Variants in APC observed in about 807,000 individuals in gnomAD.
APC encodes the protein adenomatous polyposis coli protein.
In APC, 72 loss-of-function variants were observed where a neutral mutation model predicts 247.0. The observed-to-expected ratio is 0.29, with a 90% CI of 0.24 to 0.35. The LOEUF is 0.35. APC is among the 10% of genes least tolerant of loss of function. The probability of loss-of-function intolerance (pLI) is 1.00; values close to 1 mark genes in which losing one functional copy is unlikely to be tolerated. For synonymous variants in APC, 1,254 were observed against 1,162.5 expected, an observed-to-expected ratio of 1.08 and a Z score of -1.60; for missense variants, 3,400 against 3,360.7, an observed-to-expected ratio of 1.01 and a Z score of -0.29.
At chr5:112,736,359 G>A (rs574204060), upstream of APC, among the ~76,000 whole-genome samples, 52 of 152,064 alleles carry the variant, frequency 3.4e-4, no homozygotes, top group African/African-American at 1.3e-3. Context: ...AAATATTTGG[G>A]GTGTATTTGC....
chr5:112,842,969 T>C lies in APC; in HGVS notation c.7375T>C (p.Ser2459Pro), dbSNP rs1554088287. The stretch of plus-strand genomic sequence containing the variant: ...AACCTTAAGAAGAAAATTGGAGGAA[T>C]CTGCTTCATTTGAATCTCTTTCTCC... ...SPTLRRKLEESASFESLSPSS... is the reference protein window; with the variant it reads ...SPTLRRKLEEPASFESLSPSS... Residue 2459 changes from serine (S) to proline (P), a missense_variant, in exon 16 of 16, where the codon TCT becomes CCT. By Grantham distance (74) the Ser-to-Pro change is moderately conservative. Around this residue, in one of 9 missense-constraint regions of APC, gnomAD observed 1,788 missense variants for 1,649.5 expected, o/e 1.08. Transcript: ENST00000257430. 8.7e-6 allele frequency: 14 copies of C among 1,614,070 alleles called. No homozygotes were observed. Among genetic ancestry groups the C allele is most frequent in the Non-Finnish European group, 1.2e-5 (14 of 1,179,932 alleles).
chr5:112,803,368 C>G (rs1363065096), intron 8 of APC, among the ~76,000 whole-genome samples: 1 of 152,086 alleles, frequency 6.6e-6, no homozygotes, highest in Admixed American at 6.6e-5. Context: ...TAGAAATAAC[C>G]TAAATGGACA....
Position 112,815,487 on chromosome 5 carries a change from AT to A in APC, c.835-3del. 1 of 1,607,618 alleles carries A rather than the reference AT, an allele frequency of 6.2e-7. No homozygotes were observed. The highest frequency in any genetic ancestry group is 8.5e-7 in the Non-Finnish European group (1 of 1,175,278). On this transcript the variant is annotated splice_region_variant and splice_polypyrimidine_tract_variant and intron_variant, in intron 8 of 15. Transcript: ENST00000257430. ...AATTATACCATCTATAATGTGCTTA[AT>A]TTTTAGGGTTCAACTACACGAATGG...
At chr5:112,767,881 G>T (rs149860414) in intron 4 of APC, among the ~76,000 whole-genome samples, 1 of 151,924 alleles carries the variant, frequency 6.6e-6, no homozygotes, top group Non-Finnish European at 1.5e-5. Flanking sequence ...TCTGTACATT[G>T]AGTAATACAC....
Position 112,707,717 on chromosome 5 carries a change from T to G in APC, c.-1T>G, listed in dbSNP as rs1750600817. ...TGCCTTCTCGGGCCTCGGCGCCCCC[T>G]ATGTACGCCTCCCTGGGCTCGGGTC... On this transcript the variant is annotated 5_prime_UTR_variant, in exon 1 of 14. Transcript: ENST00000507379. The G allele has an allele frequency of 7.3e-7, 1 of 1,370,600 alleles. No individual in the cohort carries two copies. Among genetic ancestry groups the G allele is most frequent in the Non-Finnish European group, 9.6e-7 (1 of 1,038,778 alleles). 84.9% of individuals were successfully genotyped at this position (1,370,600 alleles called of 1,614,324 possible).
intron 1 of APC, among the ~76,000 whole-genome samples, chr5:112,745,578 T>TTA (rs1561430920): frequency 7.8e-6 from 1 of 128,530 alleles, no homozygotes; most frequent in Non-Finnish European, 1.8e-5. Context: ...TATTATTATT[T>TTA]TTTGAGACGG....
chr5:112,821,559 C>T (rs1763133658), intron 10 of APC, among the ~76,000 whole-genome samples: 1 of 151,668 alleles, frequency 6.6e-6, no homozygotes, highest in Non-Finnish European at 1.5e-5. Context: ...AAAATTAAAC[C>T]ATTTTATACC....
intron 1 of APC, among the ~76,000 whole-genome samples, chr5:112,716,358 A>G (rs1751168769): frequency 6.6e-6 from 1 of 152,088 alleles, no homozygotes; most frequent in Admixed American, 6.5e-5. Context: ...TGGAAGTATT[A>G]TATTTTTATT....
intron 1 of APC, among the ~76,000 whole-genome samples, chr5:112,717,659 T>A (rs1038533810): frequency 3.3e-5 from 5 of 152,182 alleles, no homozygotes; most frequent in Non-Finnish European, 7.4e-5. Flanking sequence ...GTGATTTTGT[T>A]TGGCTGCTTT....
intron 2 of APC, among the ~76,000 whole-genome samples, chr5:112,760,052 G>A (rs1257952352): frequency 6.6e-6 from 1 of 152,070 alleles, no homozygotes; most frequent in African/African-American, 2.4e-5. Context: ...TAATTCTTAG[G>A]AAGAAAGAAC....
chr5:112,715,317 ATAT>A (rs1283618182), intron 1 of APC, among the ~76,000 whole-genome samples: 1 of 152,224 alleles, frequency 6.6e-6, no homozygotes, highest in Non-Finnish European at 1.5e-5. Context: ...TAGTCAATAA[ATAT>A]TATATATGTA....
At position 112,827,909 on chromosome 5, in the gene APC, A is replaced by C. The variant is rs993325922; in HGVS notation, c.1549-20A>C. 1.2e-6 allele frequency: 2 copies of C among 1,602,750 alleles called. No individual in the cohort carries two copies. The highest frequency in any genetic ancestry group is 1.7e-5 in the Admixed American group (1 of 59,954). On this transcript the variant is annotated intron_variant, in intron 12 of 15. Transcript: ENST00000257430. ...CAAGTTGTCTTTTTAATGATCCTCTATTCTGTATTTAATTTACAGGCTACG... is the reference window on the plus strand; with the variant it reads ...CAAGTTGTCTTTTTAATGATCCTCTCTTCTGTATTTAATTTACAGGCTACG...
chr5:112,751,257 A>C (rs1015787979), intron 1 of APC, among the ~76,000 whole-genome samples: 1 of 152,082 alleles, frequency 6.6e-6, no homozygotes, highest in Non-Finnish European at 1.5e-5. Flanking sequence ...ATAGTTAACT[A>C]CATTTATATG....
chr5:112,721,752 A>G (rs982327802), intron 1 of APC, among the ~76,000 whole-genome samples: 3 of 152,038 alleles, frequency 2.0e-5, no homozygotes, highest in Admixed American at 2.0e-4. Flanking sequence ...TGCAAGGAGC[A>G]TATCTTTTGC....
Position 112,792,486 on chromosome 5 carries a change from T to C in APC, c.686T>C (p.Leu229Pro). 1 of 1,612,528 alleles carries C rather than the reference T, an allele frequency of 6.2e-7. No homozygotes were observed. The highest frequency in any genetic ancestry group is 8.5e-7 in the Non-Finnish European group (1 of 1,179,108). ...ATTCAGCAAATCGAAAAGGACATAC[T>C]TCGTATACGACAGCTTTTACAGTCC... ...ARIQQIEKDILRIRQLLQSQA... is the reference protein window; with the variant it reads ...ARIQQIEKDIPRIRQLLQSQA... The change falls in exon 7 of 16, where the codon CTT becomes CCT. Residue 229 changes from leucine to proline, a missense_variant. Physicochemically the swap from Leu to Pro is moderately conservative, Grantham distance 98. Around this residue, in one of 9 missense-constraint regions of APC, gnomAD observed 372 missense variants for 367.6 expected, o/e 1.01. Transcript: ENST00000257430.
At chr5:112,771,033 GTAAAT>G (rs1335367499) in intron 4 of APC, among the ~76,000 whole-genome samples, 4 of 151,810 alleles carry the variant, frequency 2.6e-5, no homozygotes, top group African/African-American at 9.7e-5. Flanking sequence ...TTTTTATTCT[GTAAAT>G]TAAGCATAAT....
Position 112,844,318 on chromosome 5 carries a change from CTT to C in APC, c.*193_*194del. ...CACTGGTCTTATTTTGGGAGGCACT[CTT>C]GATGGTTAGGAAAAAAATAGTAAAG... On this transcript the variant is annotated 3_prime_UTR_variant, in exon 16 of 16. Transcript: ENST00000257430. 1 of 598,342 alleles carries C rather than the reference CTT, an allele frequency of 1.7e-6. No individual in the cohort carries two copies. Among genetic ancestry groups the C allele is most frequent in the Non-Finnish European group, 2.9e-6 (1 of 348,658 alleles). 37.1% of individuals were successfully genotyped at this position (598,342 alleles called of 1,614,324 possible). A position where few individuals can be genotyped will look rare whatever the true frequency, so the allele number is the denominator to read the frequency against.
At chr5:112,794,504 A>G (rs893914307) in intron 7 of APC, among the ~76,000 whole-genome samples, 1 of 152,218 alleles carries the variant, frequency 6.6e-6, no homozygotes, top group African/African-American at 2.4e-5. Flanking sequence ...AGTCAGCTCC[A>G]CAAGTAAAAG....
chr5:112,746,688 TA>T (rs1753724224), intron 1 of APC, among the ~76,000 whole-genome samples: 1 of 152,222 alleles, frequency 6.6e-6, no homozygotes, highest in African/African-American at 2.4e-5. Flanking sequence ...TAAACATGTT[TA>T]AAAAATTTAC....
Sources: allele counts gnomAD v4.1 joint callset (sites outside exome capture counted in the v4.1 genomes callset), GRCh38; gene constraint gnomAD v4.1.1; regional missense constraint gnomAD v4.1.1; transcripts MANE v1.5; gene names NCBI Gene and HGNC (gene_info 2026-07-23, HGNC 2026-07-21).